Variants in CLVS1 observed in about 807,000 individuals in gnomAD.
CLVS1 encodes the protein clavesin-1.
CLVS1 carries 10 observed loss-of-function variants against 33.1 expected under a neutral mutation model. That is an observed-to-expected ratio of 0.30 (90% CI 0.19 to 0.51). CLVS1 has a LOEUF of 0.51. Among genes scored for constraint, CLVS1 ranks in the 20% least tolerant of loss-of-function variants. The pLI, the probability that CLVS1 is intolerant of heterozygous loss-of-function variation, is 0.97. For synonymous variants in CLVS1, 163 were observed against 166.1 expected (o/e 0.98, Z 0.14); for missense variants, 343 against 433.4 (o/e 0.79, Z 1.85).
intron 2 of CLVS1, among the ~76,000 whole-genome samples, chr8:61,373,987 G>A (rs939787087): frequency 3.3e-5 from 5 of 152,140 alleles, no homozygotes; most frequent in Non-Finnish European, 7.3e-5. Context: ...CTATAGCAAC[G>A]GTAGAAGGGC....
At chr8:61,296,759 G>A (rs1242552094) in intron 1 of CLVS1, among the ~76,000 whole-genome samples, 2 of 152,138 alleles carry the variant, frequency 1.3e-5, no homozygotes, top group African/African-American at 4.8e-5. Flanking sequence ...TATTTACTGA[G>A]CATCTACTTC....
chr8:61,294,305 C>A (rs1810108416), intron 1 of CLVS1, among the ~76,000 whole-genome samples: 1 of 152,108 alleles, frequency 6.6e-6, no homozygotes, highest in African/African-American at 2.4e-5. Flanking sequence ...TTCATCTTTT[C>A]ATCTAATAGT....
intron 5 of CLVS1, among the ~76,000 whole-genome samples, chr8:61,460,146 G>A (rs1437524667): frequency 6.6e-6 from 1 of 152,102 alleles, no homozygotes; most frequent in Non-Finnish European, 1.5e-5. Context: ...ATAGCATATT[G>A]TTATGAAACG....
intron 1 of CLVS1, among the ~76,000 whole-genome samples, chr8:61,080,864 T>C (rs989422855): frequency 2.6e-5 from 4 of 152,190 alleles, no homozygotes; most frequent in Non-Finnish European, 4.4e-5. Context: ...CAGCAAGAGT[T>C]AGCGCTTGGC....
chr8:61,119,234 C>A (rs1186131738), intron 1 of CLVS1, among the ~76,000 whole-genome samples: 2 of 152,072 alleles, frequency 1.3e-5, no homozygotes, highest in East Asian at 3.8e-4. Flanking sequence ...GGTAGATCTT[C>A]CTCCATCCTT....
chr8:61,230,940 T>G (rs1808418712), intron 2 of CLVS1, among the ~76,000 whole-genome samples: 1 of 152,236 alleles, frequency 6.6e-6, no homozygotes, highest in African/African-American at 2.4e-5. Flanking sequence ...TGGGGTGTAC[T>G]TTAAGAGAGT....
upstream of CLVS1, among the ~76,000 whole-genome samples, chr8:61,286,411 C>T (rs538454361): frequency 6.6e-6 from 1 of 152,296 alleles, no homozygotes; most frequent in African/African-American, 2.4e-5. Context: ...ATATATCACA[C>T]CCAACCCATC....
chr8:61,322,951 T>A (rs1811252279), intron 2 of CLVS1, among the ~76,000 whole-genome samples: 1 of 152,170 alleles, frequency 6.6e-6, no homozygotes, highest in Non-Finnish European at 1.5e-5. Flanking sequence ...ATGTCTCTTG[T>A]GGTACTCCGA....
intron 3 of CLVS1, among the ~76,000 whole-genome samples, chr8:61,390,820 T>A (rs1466192700): frequency 6.6e-6 from 1 of 152,216 alleles, no homozygotes; most frequent in Non-Finnish European, 1.5e-5. Context: ...CACAAATATT[T>A]TTCATAACTT....
intron 3 of CLVS1, among the ~76,000 whole-genome samples, chr8:61,405,777 G>A (rs918614734): frequency 6.7e-6 from 1 of 148,692 alleles, no homozygotes; most frequent in African/African-American, 2.5e-5. Context: ...AGGTGCCACT[G>A]TCTTAATTTA....
At chr8:61,372,592 AT>A (rs1211259056) in intron 2 of CLVS1, among the ~76,000 whole-genome samples, 331 of 143,558 alleles carry the variant, frequency 2.3e-3, no homozygotes, top group Middle Eastern at 7.5e-3. Context: ...CGTTATTTGG[AT>A]TTTTTTTTTT....
intron 5 of CLVS1, among the ~76,000 whole-genome samples, chr8:61,463,622 A>G (rs1586010488): frequency 6.6e-6 from 1 of 152,322 alleles, no homozygotes; most frequent in South Asian, 2.1e-4. Context: ...ATGAGAGAAC[A>G]TTTGATCTGT....
At chr8:60,980,382 G>A in the CLVS1 span, among the ~76,000 whole-genome samples, 17 of 152,266 alleles carry the variant, frequency 1.1e-4, no homozygotes, top group African/African-American at 4.1e-4. Context: ...TAAGACTCAG[G>A]GCTAGAATTG....
At chr8:60,966,565 C>T in the CLVS1 span, 1 of 287,832 alleles carries the variant, frequency 3.5e-6, no homozygotes, top group South Asian at 2.9e-5. Context: ...TGGAAATAAA[C>T]ATAGTAAAGA....
At chr8:61,454,317 C>T in intron 4 of CLVS1, 66 bp downstream of exon 4, 1 of 1,066,842 alleles carries the variant, frequency 9.4e-7, no homozygotes, top group Non-Finnish European at 1.5e-6. Context: ...TTCTCTCTCC[C>T]CTCCTCTCTC....
At chr8:61,101,485 T>C (rs11995358) in intron 1 of CLVS1, among the ~76,000 whole-genome samples, 30,815 of 152,152 alleles carry the variant, frequency 0.2, 3,252 homozygotes, top group Admixed American at 0.3. Flanking sequence ...TATTGTTGAG[T>C]TTTAATAGTT....
upstream of CLVS1, among the ~76,000 whole-genome samples, chr8:61,287,042 T>G (rs1412893466): frequency 6.6e-6 from 1 of 152,230 alleles, no homozygotes; most frequent in Non-Finnish European, 1.5e-5. Context: ...CATAAATCTT[T>G]GCATATCTGA....
chr8:61,189,314 A>G (rs945043301), intron 2 of CLVS1, among the ~76,000 whole-genome samples: 8 of 152,186 alleles, frequency 5.3e-5, no homozygotes, highest in African/African-American at 1.9e-4. Context: ...TTTACAGACA[A>G]GCAAATGCTG....
At chr8:61,248,378 C>T (rs1808861726) in intron 2 of CLVS1, among the ~76,000 whole-genome samples, 1 of 152,076 alleles carries the variant, frequency 6.6e-6, no homozygotes, top group Admixed American at 6.6e-5. Context: ...TGCCTTTGGA[C>T]AATATAGCTA....
Sources: allele counts gnomAD v4.1 joint callset (sites outside exome capture counted in the v4.1 genomes callset), GRCh38; gene constraint gnomAD v4.1.1; transcripts MANE v1.5; gene names NCBI Gene and HGNC (gene_info 2026-07-23, HGNC 2026-07-21).